COL24A1: variants seen among roughly 807,000 people sequenced by gnomAD.
The protein encoded by COL24A1 is collagen type XXIV alpha 1 chain.
In COL24A1, 224 loss-of-function variants were observed where a neutral mutation model predicts 253.9. The ratio of observed to expected loss-of-function variants is 0.88; its 90% CI spans 0.79 to 0.99. The LOEUF is 0.99. Ranked by LOEUF, COL24A1 falls within the 50% of genes least tolerant of loss-of-function variation. The pLI, the probability that COL24A1 is intolerant of heterozygous loss-of-function variation, is 0.00. For synonymous variants in COL24A1, 685 were observed against 673.7 expected (o/e 1.02, Z -0.26); for missense variants, 2,131 against 2,068.5 (o/e 1.03, Z -0.59).
At chr1:86,098,908 T>TG (rs1704221085) in intron 5 of COL24A1, among the ~76,000 whole-genome samples, 1 of 151,444 alleles carries the variant, frequency 6.6e-6, no homozygotes, top group African/African-American at 2.4e-5. Flanking sequence ...ACAAAAAAAA[T>TG]GGGGGAGGGG....
intron 29 of COL24A1, 87 bp from the exon 30 acceptor site, chr1:85,896,152 CA>C: frequency 1.5e-6 from 2 of 1,368,406 alleles, no homozygotes; most frequent in Non-Finnish European, 2.0e-6. Flanking sequence ...CACTCACATA[CA>C]AAAAAGACAG....
chr1:85,914,621 C>T (rs764244731), intron 24 of COL24A1, among the ~76,000 whole-genome samples: 3 of 152,082 alleles, frequency 2.0e-5, no homozygotes, highest in Non-Finnish European at 4.4e-5. Flanking sequence ...GAACTCTTGA[C>T]CTCAAGTGAT....
At position 86,155,432 on chromosome 1, in the gene COL24A1, G is replaced by A. The variant is rs117262043; in HGVS notation, c.56+909C>T. The A allele has an allele frequency of 4.7e-3, 713 of 153,310 alleles. 11 individuals are homozygous for A. In the East Asian group the frequency reaches 0.049, roughly 11 times the overall value. The allele number at this position is 153,310 out of a possible 1,614,324, so 9.5% of individuals were successfully genotyped here. On this transcript the variant is annotated intron_variant, in intron 1 of 59. Transcript: ENST00000370571. The stretch of plus-strand genomic sequence containing the variant: ...CTCTGCAGAAGACTTCCACAGCCGC[G>A]TTCACCCTTCTCGCCCAGGGGCCAG...
chr1:85,995,108 A>G (rs1457489879), intron 19 of COL24A1, among the ~76,000 whole-genome samples: 1 of 152,186 alleles, frequency 6.6e-6, no homozygotes, highest in Non-Finnish European at 1.5e-5. Flanking sequence ...ATGACAAAAC[A>G]TATATTCTGT....
chr1:86,066,298 G>C (rs975041900), intron 7 of COL24A1, among the ~76,000 whole-genome samples: 2 of 144,050 alleles, frequency 1.4e-5, no homozygotes, highest in African/African-American at 5.3e-5. Flanking sequence ...GAGTGCAGTG[G>C]CACGATCTCG....
rs183247261 is a variant in COL24A1, at chr1:86,036,701, A to C, written c.1951-2778T>G. Reference sequence around the variant, plus strand: ...CTTCATTGCCAAAAAATGGTCTTCAAGATTGGTTGTGAAATATGGAACAGT... The same window carrying C: ...CTTCATTGCCAAAAAATGGTCTTCACGATTGGTTGTGAAATATGGAACAGT... On this transcript the variant is annotated intron_variant, in intron 12 of 59. Transcript: ENST00000370571. 4.0e-3 allele frequency among the ~76,000 whole-genome samples: 608 copies of C among 152,286 alleles called. 1 individual carries two copies. The highest frequency in any genetic ancestry group is 7.3e-3 in the Non-Finnish European group (499 of 68,016).
In COL24A1 at chr1:85,744,692, A is replaced by C. The variant is rs772043533; in HGVS notation, c.4646T>G (p.Leu1549Arg). The change falls in exon 57 of 60, where the codon CTT becomes CGT. Residue 1549 changes from leucine (L) to arginine (R), a missense_variant. Leu to Arg is a moderately radical substitution (Grantham distance 102, BLOSUM62 -2). Transcript: ENST00000370571. ...DNPARICKDL[L>R]NCEQKVSDGK... ...ATCTGATACTTTTTGTTCACAGTTA[A>C]GTAAATCTTTGCAGATTCGTGCTGG... is the stretch of plus-strand genomic sequence containing the variant. The C allele has an allele frequency of 6.2e-7, 1 of 1,609,182 alleles. No homozygotes were observed. Among genetic ancestry groups the C allele is most frequent in the Admixed American group, 1.7e-5 (1 of 59,428 alleles).
At chr1:86,049,000 A>G (rs1700114591) in intron 11 of COL24A1, among the ~76,000 whole-genome samples, 1 of 152,216 alleles carries the variant, frequency 6.6e-6, no homozygotes, top group Admixed American at 6.5e-5. Flanking sequence ...CACGAACAGC[A>G]GAGTAATTAA....
chr1:85,853,876 G>T (rs1157051641), intron 37 of COL24A1, among the ~76,000 whole-genome samples: 1 of 152,018 alleles, frequency 6.6e-6, no homozygotes, highest in South Asian at 2.1e-4. Flanking sequence ...ACCTTTGTTG[G>T]ATGCATAATT....
In COL24A1 at chr1:85,987,660, G is replaced by T. The variant is rs755345784; in HGVS notation, c.2311-6C>A. Reference sequence around the variant, plus strand: ...CCAATATCTCCTGGAAAACCCTAGGGAATATAAAAATGTAGCGTTTATTCC... The same window carrying T: ...CCAATATCTCCTGGAAAACCCTAGGTAATATAAAAATGTAGCGTTTATTCC... On this transcript the variant is annotated splice_region_variant and splice_polypyrimidine_tract_variant and intron_variant, in intron 19 of 59. Transcript: ENST00000370571. 3.1e-6 allele frequency: 5 copies of T among 1,605,562 alleles called. No homozygotes were observed. In the African/African-American group the frequency reaches 4.0e-5, roughly 13 times the overall value.
intron 53 of COL24A1, among the ~76,000 whole-genome samples, chr1:85,767,103 CAATAATAATAAT>C (rs67386357): frequency 4.8e-5 from 7 of 145,658 alleles, no homozygotes; most frequent in African/African-American, 1.8e-4. Flanking sequence ...GACTCCGTCT[CAATAATAATAAT>C]AATAATAATA....
At chr1:86,022,445 T>TCTA (rs1271504855) in intron 17 of COL24A1, 93 bp downstream of exon 17, 2 of 1,329,294 alleles carry the variant, frequency 1.5e-6, no homozygotes, top group African/African-American at 3.0e-5. Flanking sequence ...GATACCACAT[T>TCTA]CTAACACAAT....
chr1:85,890,677 T>C (rs1330462211), intron 31 of COL24A1, among the ~76,000 whole-genome samples: 1 of 152,156 alleles, frequency 6.6e-6, no homozygotes, highest in Non-Finnish European at 1.5e-5. Flanking sequence ...CAAATAATTA[T>C]CCAAAATTAT....
intron 24 of COL24A1, among the ~76,000 whole-genome samples, chr1:85,950,976 G>A (rs1220839775): frequency 6.6e-6 from 1 of 152,114 alleles, no homozygotes; most frequent in Non-Finnish European, 1.5e-5. Flanking sequence ...AACGCTCCAG[G>A]TCATTTCATG....
chr1:85,791,899 A>G (rs1323352860), intron 47 of COL24A1, among the ~76,000 whole-genome samples: 1 of 152,140 alleles, frequency 6.6e-6, no homozygotes, highest in Non-Finnish European at 1.5e-5. Flanking sequence ...CACCCTCCCC[A>G]ATAAAACAGA....
intron 1 of COL24A1, among the ~76,000 whole-genome samples, chr1:86,147,457 C>G (rs1044650618): frequency 3.3e-5 from 5 of 152,158 alleles, no homozygotes; most frequent in African/African-American, 7.2e-5. Flanking sequence ...ACTCTACAAA[C>G]AGATCAACTG....
chr1:85,868,873 T>C, intron 35 of COL24A1, 38 bp from the exon 36 acceptor site: 2 of 1,423,958 alleles, frequency 1.4e-6, no homozygotes, highest in Non-Finnish European at 1.9e-6. Flanking sequence ...GAGTTTTTTT[T>C]TGCTATATCA....
At chr1:85,781,793 A>C (rs181296439) in intron 51 of COL24A1, among the ~76,000 whole-genome samples, 23 of 152,314 alleles carry the variant, frequency 1.5e-4, no homozygotes, top group Non-Finnish European at 2.1e-4. Flanking sequence ...TCATAGGGCC[A>C]TTGTGAGAAT....
chr1:86,104,933 TGGCAGA>T (rs1704815126), intron 5 of COL24A1, among the ~76,000 whole-genome samples: 1 of 152,212 alleles, frequency 6.6e-6, no homozygotes, highest in Non-Finnish European at 1.5e-5. Context: ...TTTACAGCAG[TGGCAGA>T]GGTAGCATGA....
Sources: gnomAD v4.1 joint callset for allele counts (sites outside exome capture counted in the v4.1 genomes callset) on GRCh38, gnomAD v4.1.1 for gene constraint, MANE v1.5 for transcripts, NCBI Gene and HGNC (gene_info 2026-07-23, HGNC 2026-07-21) for gene names.